C10orf53: variants seen among roughly 807,000 people sequenced by gnomAD.
The protein encoded by C10orf53 is UPF0728 protein C10orf53.
In C10orf53, 8 loss-of-function variants were observed where a neutral mutation model predicts 9.4. That is an observed-to-expected ratio of 0.85 (90% CI 0.50 to 1.53). The LOEUF is 1.53. Ranked by LOEUF, C10orf53 falls within the 40% of genes most tolerant of loss-of-function variation. The probability of loss-of-function intolerance (pLI) is 0.00; values close to 1 mark genes in which losing one functional copy is unlikely to be tolerated. For synonymous variants in C10orf53, 48 were observed against 46.0 expected (o/e 1.04, Z -0.18); for missense variants, 117 against 117.8 (o/e 0.99, Z 0.03).
intron 1 of C10orf53, among the ~76,000 whole-genome samples, chr10:49,688,037 A>G (rs764973770): frequency 6.6e-6 from 1 of 152,196 alleles, no homozygotes; most frequent in East Asian, 1.9e-4. Flanking sequence ...AGGAGTAGCT[A>G]TGACTTTAAA....
exon 3 of C10orf53, chr10:49,708,742 A>T (rs764481521): frequency 2.3e-4 from 327 of 1,416,460 alleles, no homozygotes; most frequent in Non-Finnish European, 2.5e-4. Context: ...CATCTCCCGA[A>T]CCTCTCCAGC....
At chr10:49,685,399 C>T (rs1366510818) in intron 1 of C10orf53, among the ~76,000 whole-genome samples, 2 of 152,164 alleles carry the variant, frequency 1.3e-5, no homozygotes, top group Non-Finnish European at 2.9e-5. Context: ...CTAGGCTAAG[C>T]TATGATGTTC....
At chr10:49,699,900 C>CT (rs966438534), downstream of C10orf53, among the ~76,000 whole-genome samples, 3 of 151,646 alleles carry the variant, frequency 2.0e-5, no homozygotes, top group Non-Finnish European at 2.9e-5. Context: ...CTCATCCCCC[C>CT]CGAGATCAGG....
chr10:49,693,342 A>ATT (rs1840602516), intron 1 of C10orf53, among the ~76,000 whole-genome samples: 2 of 152,182 alleles, frequency 1.3e-5, no homozygotes, highest in Non-Finnish European at 2.9e-5. Context: ...AAAGATTAGA[A>ATT]TCATTTTTTG....
chr10:49,687,176 A>T (rs1234889942), intron 1 of C10orf53, among the ~76,000 whole-genome samples: 1 of 152,128 alleles, frequency 6.6e-6, no homozygotes, highest in African/African-American at 2.4e-5. Flanking sequence ...GGGAGTTTGG[A>T]GCTGTCTGCT....
chr10:49,698,776 C>A (rs1292228577), downstream of C10orf53, among the ~76,000 whole-genome samples: 1 of 152,084 alleles, frequency 6.6e-6, no homozygotes, highest in Non-Finnish European at 1.5e-5. Flanking sequence ...AGTGGATGTT[C>A]CCACTCATAG....
intron 1 of C10orf53, among the ~76,000 whole-genome samples, chr10:49,680,808 TTATCCGGATC>T (rs1840472150): frequency 6.6e-6 from 1 of 152,198 alleles, no homozygotes; most frequent in Non-Finnish European, 1.5e-5. Context: ...AAAAAGAATG[TTATCCGGATC>T]TAATCAGTGT....
chr10:49,690,653 C>T (rs897953822), intron 1 of C10orf53, among the ~76,000 whole-genome samples: 1 of 152,136 alleles, frequency 6.6e-6, no homozygotes, highest in Non-Finnish European at 1.5e-5. Flanking sequence ...TAAGTAATTT[C>T]CCTGGCCACA....
chr10:49,704,427 T>C (rs1243249598), intron 2 of C10orf53, among the ~76,000 whole-genome samples: 1 of 152,102 alleles, frequency 6.6e-6, no homozygotes, highest in East Asian at 1.9e-4. Context: ...TCATTCTTAA[T>C]AAGATAAATG....
chr10:49,680,100 C>A (rs1172902305), intron 1 of C10orf53, among the ~76,000 whole-genome samples: 2 of 152,250 alleles, frequency 1.3e-5, no homozygotes, highest in Non-Finnish European at 2.9e-5. Context: ...TATTAAGTGA[C>A]TTTCACAACT....
chr10:49,686,969 C>T (rs1840535019), intron 1 of C10orf53, among the ~76,000 whole-genome samples: 1 of 152,210 alleles, frequency 6.6e-6, no homozygotes, highest in Admixed American at 6.5e-5. Flanking sequence ...TTCAAGACTG[C>T]CACCAGGTCA....
At chr10:49,703,867 A>G (rs1840704352) in intron 2 of C10orf53, among the ~76,000 whole-genome samples, 1 of 152,244 alleles carries the variant, frequency 6.6e-6, no homozygotes, top group Non-Finnish European at 1.5e-5. Context: ...TGAAATATGA[A>G]CAATAGTAGC....
chr10:49,690,760 G>A (rs543955447), intron 1 of C10orf53, among the ~76,000 whole-genome samples: 203 of 152,302 alleles, frequency 1.3e-3, no homozygotes, highest in Non-Finnish European at 2.1e-3. Flanking sequence ...TCCACCCCAC[G>A]TAGCTGAGAC....
chr10:49,701,832 C>T (rs1409313679), downstream of C10orf53, among the ~76,000 whole-genome samples: 1 of 152,160 alleles, frequency 6.6e-6, no homozygotes, highest in African/African-American at 2.4e-5. Context: ...CCATCAATGA[C>T]GATCTCTTCT....
intron 1 of C10orf53, among the ~76,000 whole-genome samples, chr10:49,680,130 G>A (rs1015904134): frequency 3.9e-5 from 6 of 152,242 alleles, no homozygotes; most frequent in Non-Finnish European, 8.8e-5. Flanking sequence ...GGGAAGTAGC[G>A]TTGCTGGTAT....
chr10:49,694,016 A>T, intron 2 of C10orf53, 123 bp downstream of exon 2: 15 of 1,393,810 alleles, frequency 1.1e-5, no homozygotes, highest in Non-Finnish European at 1.4e-5. Context: ...TGAGTTTGAA[A>T]CTTGTACTGA....
At chr10:49,709,789 C>G (rs1369522351) in exon 3 of C10orf53, 1 of 152,476 alleles carries the variant, frequency 6.6e-6, no homozygotes, top group African/African-American at 2.4e-5. Flanking sequence ...CTGGCATCCC[C>G]TTCTCCACCT....
intron 1 of C10orf53, among the ~76,000 whole-genome samples, chr10:49,691,302 G>C (rs1840581711): frequency 6.6e-6 from 1 of 152,230 alleles, no homozygotes; most frequent in Non-Finnish European, 1.5e-5. Flanking sequence ...GGAATGTCCT[G>C]GGGCTGAATA....
chr10:49,697,788 C>T (rs1023325456), downstream of C10orf53, among the ~76,000 whole-genome samples: 9 of 152,308 alleles, frequency 5.9e-5, no homozygotes, highest in African/African-American at 1.9e-4. Context: ...TCAAATGATC[C>T]ACCCACCTCG....
Sources: gnomAD v4.1 joint callset for allele counts (sites outside exome capture counted in the v4.1 genomes callset) on GRCh38, gnomAD v4.1.1 for gene constraint, MANE v1.5 for transcripts, NCBI Gene and HGNC (gene_info 2026-07-23, HGNC 2026-07-21) for gene names.